Variants in HTR2C observed in about 807,000 individuals in gnomAD.
The protein encoded by HTR2C is 5-hydroxytryptamine (serotonin) receptor 2C, G protein-coupled.
In HTR2C, 5 loss-of-function variants were observed where a neutral mutation model predicts 21.0. That is an observed-to-expected ratio of 0.24 (90% confidence interval 0.12 to 0.50). The LOEUF (loss-of-function observed/expected upper bound fraction) is 0.50, where lower values mean the gene tolerates loss of function less well. HTR2C is among the 20% of genes least tolerant of loss of function. The pLI is 0.98. For missense variants in HTR2C, 271 were observed against 371.2 expected, an observed-to-expected ratio of 0.73 and a Z score of 2.22; for synonymous variants, 150 against 145.3, an observed-to-expected ratio of 1.03 and a Z score of -0.23.
Position 114,828,551 on chromosome X carries a change from A to T in HTR2C, c.350-19452A>T, listed in dbSNP as rs781900302. On this transcript the variant is annotated intron_variant, in intron 4 of 5. Transcript: ENST00000276198. ...TTGAATATTATGTCTTGAGATCTGG[A>T]TCCTTTATTATTGAGATAAAATTCA... 4.5e-5 allele frequency among the ~76,000 whole-genome samples: 5 copies of T among 111,868 alleles called. No individual in the cohort carries two copies. The East Asian group carries it at 1.1e-3, about 25-fold the overall frequency.
chrX:114,856,651 C>T (rs1320125896), intron 5 of HTR2C, among the ~76,000 whole-genome samples: 4 of 111,321 alleles, frequency 3.6e-5, no homozygotes, highest in African/African-American at 1.3e-4. Context: ...AGAAGATGCG[C>T]TCTTCCTGTA....
chrX:114,896,043 A>G (rs73222961), intron 5 of HTR2C, among the ~76,000 whole-genome samples: 12,412 of 110,132 alleles, frequency 0.11, 637 homozygotes, highest in Non-Finnish European at 0.16. Context: ...CAAATTTTGT[A>G]TGCTGTGTGT....
chrX:114,639,097 C>T (rs1423488075), intron 2 of HTR2C, among the ~76,000 whole-genome samples: 1 of 111,332 alleles, frequency 9.0e-6, no homozygotes, highest in Non-Finnish European at 1.9e-5. Flanking sequence ...TGAGCAGTTT[C>T]ATAAATGAAT....
chrX:114,820,509 T>G (rs1025273094), intron 4 of HTR2C, among the ~76,000 whole-genome samples: 6 of 110,350 alleles, frequency 5.4e-5, no homozygotes, highest in Non-Finnish European at 1.1e-4. Flanking sequence ...ATATATACAG[T>G]GTTTAGCTAT....
chrX:114,907,673 C>T lies in HTR2C; in HGVS notation c.*258C>T. ...TAAAATGTTTATTTTTGCTCTCCCTCCCTTCTTTCCTTCCTTTTTTCCTTT... is the reference window on the plus strand; with the variant it reads ...TAAAATGTTTATTTTTGCTCTCCCTTCCTTCTTTCCTTCCTTTTTTCCTTT... On this transcript the variant is annotated 3_prime_UTR_variant, in exon 6 of 6. Coordinates refer to ENST00000276198, the MANE Select transcript of HTR2C (RefSeq NM_000868.4). The T allele has an allele frequency of 7.3e-6, 2 of 274,868 alleles. No individual in the cohort carries two copies. The highest frequency in any genetic ancestry group is 1.3e-5 in the Non-Finnish European group (2 of 155,974). 22.7% of individuals were successfully genotyped at this position (274,868 alleles called of 1,213,427 possible).
chrX:114,798,945 C>A (rs1292782539), intron 4 of HTR2C, among the ~76,000 whole-genome samples: 2 of 110,004 alleles, frequency 1.8e-5, no homozygotes, highest in African/African-American at 6.6e-5. Context: ...GGTTAAACAG[C>A]CCAGAGCGCA....
At chrX:114,648,965 C>T (rs1469213133) in intron 2 of HTR2C, among the ~76,000 whole-genome samples, 5 of 111,450 alleles carry the variant, frequency 4.5e-5, no homozygotes, top group Admixed American at 9.6e-5. Flanking sequence ...TGGAAACTAA[C>T]ATGTACCAAA....
intron 4 of HTR2C, among the ~76,000 whole-genome samples, chrX:114,737,209 C>G (rs1602733661): frequency 1.2e-5 from 1 of 83,700 alleles, no homozygotes; most frequent in African/African-American, 4.4e-5. Flanking sequence ...AAACTCCTGG[C>G]TTTTTTTTTC....
chrX:114,676,753 G>T (rs1350636368), intron 2 of HTR2C, among the ~76,000 whole-genome samples: 1 of 112,066 alleles, frequency 8.9e-6, no homozygotes, highest in Non-Finnish European at 1.9e-5. Context: ...TTTGCCTTTA[G>T]ATCAGAATGA....
chrX:114,830,697 GT>G (rs1344014512), intron 4 of HTR2C, among the ~76,000 whole-genome samples: 6 of 104,800 alleles, frequency 5.7e-5, no homozygotes, highest in Non-Finnish European at 1.2e-4. Flanking sequence ...GCTGTTTTTT[GT>G]TTTTTTTATT....
intron 2 of HTR2C, among the ~76,000 whole-genome samples, chrX:114,725,533 A>G (rs184535016): frequency 0.021 from 2,382 of 112,354 alleles, 75 homozygotes; most frequent in African/African-American, 0.074. Flanking sequence ...GTCATTCTCC[A>G]TCCAGCTTTC....
At chrX:114,706,430 T>C (rs781923021) in intron 2 of HTR2C, among the ~76,000 whole-genome samples, 2 of 74,916 alleles carry the variant, frequency 2.7e-5, no homozygotes, top group African/African-American at 4.5e-5. Flanking sequence ...AAATTGGAAA[T>C]CATCATTCTC....
At chrX:114,875,741 T>G (rs1556477998) in intron 5 of HTR2C, among the ~76,000 whole-genome samples, 1 of 111,247 alleles carries the variant, frequency 9.0e-6, no homozygotes, top group Non-Finnish European at 1.9e-5. Flanking sequence ...TTTTCTGTTC[T>G]GTTCCATTGG....
intron 4 of HTR2C, among the ~76,000 whole-genome samples, chrX:114,753,177 G>C (rs2069779045): frequency 9.2e-6 from 1 of 109,193 alleles, no homozygotes; most frequent in African/African-American, 3.3e-5. Context: ...ATCACCAACA[G>C]TTGTAGACAA....
intron 4 of HTR2C, among the ~76,000 whole-genome samples, chrX:114,764,477 A>T (rs1276198726): frequency 9.0e-6 from 1 of 111,427 alleles, no homozygotes; most frequent in Non-Finnish European, 1.9e-5. Flanking sequence ...CAATAAATGC[A>T]CAAAATAAAT....
intron 2 of HTR2C, among the ~76,000 whole-genome samples, chrX:114,646,300 T>C (rs1320343658): frequency 1.8e-5 from 2 of 111,832 alleles, no homozygotes; most frequent in African/African-American, 6.5e-5. Flanking sequence ...CACAGATCTG[T>C]TAATAAAGGC....
At chrX:114,794,533 C>G (rs1159446811) in intron 4 of HTR2C, among the ~76,000 whole-genome samples, 1 of 64,713 alleles carries the variant, frequency 1.5e-5, no homozygotes, top group African/African-American at 6.1e-5. Context: ...CCCCTCCCCC[C>G]ACCCCACAAC....
intron 4 of HTR2C, among the ~76,000 whole-genome samples, chrX:114,734,108 T>C: frequency 9.1e-6 from 1 of 110,325 alleles, no homozygotes; most frequent in African/African-American, 3.3e-5. Context: ...ACAAATAAAA[T>C]AGAAGAAAAA....
intron 5 of HTR2C, among the ~76,000 whole-genome samples, chrX:114,872,876 C>T (rs990335199): frequency 4.5e-5 from 5 of 111,692 alleles, no homozygotes; most frequent in African/African-American, 1.6e-4. Context: ...CCAGCTATCA[C>T]TGTGGAACTG....
Sources: allele counts gnomAD v4.1 joint callset (sites outside exome capture counted in the v4.1 genomes callset), GRCh38; gene constraint gnomAD v4.1.1; transcripts MANE v1.5; gene names NCBI Gene and HGNC (gene_info 2026-07-23, HGNC 2026-07-21).